SHISA9: variants seen among roughly 807,000 people sequenced by gnomAD.
SHISA9 encodes the protein protein shisa-9.
SHISA9 carries 13 observed loss-of-function variants against 38.0 expected under a neutral mutation model. The ratio of observed to expected loss-of-function variants is 0.34; its 90% confidence interval spans 0.22 to 0.54. The LOEUF is 0.54. Among genes scored for constraint, SHISA9 ranks in the 20% least tolerant of loss-of-function variants. The pLI is 0.91. For synonymous variants in SHISA9, 275 were observed against 242.0 expected, an observed-to-expected ratio of 1.14 and a Z score of -1.27; for missense variants, 538 against 575.8, an observed-to-expected ratio of 0.93 and a Z score of 0.67.
At chr16:13,413,072 T>A in the SHISA9 span, among the ~76,000 whole-genome samples, 2 of 152,194 alleles carry the variant, frequency 1.3e-5, no homozygotes, top group African/African-American at 4.8e-5. Flanking sequence ...TTAACTCACC[T>A]AGATCAGATG....
chr16:13,314,374 C>T, the SHISA9 span, among the ~76,000 whole-genome samples: 1 of 151,904 alleles, frequency 6.6e-6, no homozygotes, highest in African/African-American at 2.4e-5. Flanking sequence ...CCACCATGCC[C>T]AGCTAATTTA....
intron 2 of SHISA9, among the ~76,000 whole-genome samples, chr16:13,189,270 A>G (rs1449237274): frequency 6.6e-6 from 1 of 152,206 alleles, no homozygotes; most frequent in Non-Finnish European, 1.5e-5. Flanking sequence ...GTTGGTGGGC[A>G]TGGTAGAAGG....
Position 13,088,809 on chromosome 16 carries a change from T to G in SHISA9, c.692-114585T>G, listed in dbSNP as rs565506466. Among the ~76,000 whole-genome samples, 5 of 152,362 alleles carry G rather than the reference T, an allele frequency of 3.3e-5. No individual in the cohort carries two copies. The South Asian group carries it at 1.0e-3, about 32-fold the overall frequency. ...TAATTGAATATCCTTTATTTCTTTC[T>G]CTTGCCTGATTGCCCTGGCCAGAAC... On this transcript the variant is annotated intron_variant, in intron 2 of 4. Transcript: ENST00000558583.
chr16:13,435,116 C>T, the SHISA9 span, among the ~76,000 whole-genome samples: 1 of 152,302 alleles, frequency 6.6e-6, no homozygotes, highest in African/African-American at 2.4e-5. Context: ...TTAAGGAAAA[C>T]ACCAGCTTCC....
the SHISA9 span, among the ~76,000 whole-genome samples, chr16:13,402,161 TG>T: frequency 1.3e-4 from 20 of 151,818 alleles, no homozygotes; most frequent in East Asian, 3.9e-3. Context: ...GAATTTATGA[TG>T]GGAATTGGCT....
At chr16:13,511,770 A>G in the SHISA9 span, among the ~76,000 whole-genome samples, 3 of 152,038 alleles carry the variant, frequency 2.0e-5, no homozygotes, top group Non-Finnish European at 4.4e-5. Context: ...GAAGAGTACA[A>G]AAAAGGAGAA....
At chr16:13,255,837 C>G in the SHISA9 span, among the ~76,000 whole-genome samples, 1 of 152,202 alleles carries the variant, frequency 6.6e-6, no homozygotes, top group Non-Finnish European at 1.5e-5. Context: ...TGATCACTAT[C>G]TTTCCTCAAG....
At chr16:13,554,298 A>T in the SHISA9 span, among the ~76,000 whole-genome samples, 1 of 46,366 alleles carries the variant, frequency 2.2e-5, no homozygotes, top group East Asian at 4.0e-3. Context: ...GCTAGAGATT[A>T]AAAAAAAAAA....
At chr16:13,498,418 A>G in the SHISA9 span, among the ~76,000 whole-genome samples, 1 of 152,192 alleles carries the variant, frequency 6.6e-6, no homozygotes, top group East Asian at 1.9e-4. Context: ...TCTTAAAAAT[A>G]TTCAGTTTCC....
chr16:12,930,199 T>TA (rs945209978), intron 2 of SHISA9, among the ~76,000 whole-genome samples: 1 of 152,212 alleles, frequency 6.6e-6, no homozygotes, highest in Admixed American at 6.5e-5. Flanking sequence ...AAGTGCTCTA[T>TA]AAAAATTTTT....
intron 2 of SHISA9, among the ~76,000 whole-genome samples, chr16:13,031,426 G>T (rs555600621): frequency 2.6e-5 from 4 of 152,188 alleles, no homozygotes; most frequent in Non-Finnish European, 5.9e-5. Context: ...GGATGCCTGA[G>T]GTAGAGTGGC....
In SHISA9 at chr16:13,094,600, C is replaced by G. The variant is rs147152283; in HGVS notation, c.692-108794C>G. Among the ~76,000 whole-genome samples, 1,271 of 152,212 alleles carry G rather than the reference C, an allele frequency of 8.4e-3. 13 individuals are homozygous for G. Among genetic ancestry groups the G allele is most frequent in the Non-Finnish European group, 1.0e-2 (677 of 68,016 alleles). ...ATTCCATTTTGTCTCAGTGTCAATA[C>G]CACACATACTGTTTCTTCTATTAAA... is the stretch of plus-strand genomic sequence containing the variant. On this transcript the variant is annotated intron_variant, in intron 2 of 4. Coordinates refer to ENST00000558583, the MANE Select transcript of SHISA9 (RefSeq NM_001145204.3).
chr16:13,343,560 A>T, the SHISA9 span, among the ~76,000 whole-genome samples: 1 of 152,114 alleles, frequency 6.6e-6, no homozygotes, highest in African/African-American at 2.4e-5. Context: ...TGGCCTCTAG[A>T]TGGAGAAGGA....
intron 2 of SHISA9, among the ~76,000 whole-genome samples, chr16:13,049,156 ATG>A (rs10526925): frequency 0.039 from 2,474 of 63,748 alleles, 15 homozygotes; most frequent in Middle Eastern, 0.069. Flanking sequence ...GGTTAGGAGT[ATG>A]TGTGTGTGTG....
chr16:13,245,288 A>G (rs2051463717), downstream of SHISA9, among the ~76,000 whole-genome samples: 1 of 152,192 alleles, frequency 6.6e-6, no homozygotes, highest in South Asian at 2.1e-4. Context: ...AAGACATGAT[A>G]TATTTTCTCC....
At chr16:13,423,012 T>G in the SHISA9 span, among the ~76,000 whole-genome samples, 1 of 152,226 alleles carries the variant, frequency 6.6e-6, no homozygotes, top group East Asian at 1.9e-4. Context: ...ATTTTACCAC[T>G]AATCAGGTGC....
the SHISA9 span, among the ~76,000 whole-genome samples, chr16:13,468,470 C>G: frequency 6.6e-6 from 1 of 152,158 alleles, no homozygotes; most frequent in South Asian, 2.1e-4. Context: ...ATCCATTTAC[C>G]CAAGCATCCA....
intron 2 of SHISA9, among the ~76,000 whole-genome samples, chr16:13,181,954 T>G (rs1352355600): frequency 5.3e-5 from 8 of 152,174 alleles, no homozygotes. Context: ...TTTTGTTCCA[T>G]GCGAGCAATA....
At chr16:13,367,689 CGTGT>C in the SHISA9 span, among the ~76,000 whole-genome samples, 2 of 126,098 alleles carry the variant, frequency 1.6e-5, no homozygotes, top group African/African-American at 6.0e-5. Flanking sequence ...AGTGTACACG[CGTGT>C]GCGTGCGCGC....
Sources: gnomAD v4.1 joint callset for allele counts (sites outside exome capture counted in the v4.1 genomes callset) on GRCh38, gnomAD v4.1.1 for gene constraint, MANE v1.5 for transcripts, NCBI Gene and HGNC (gene_info 2026-07-23, HGNC 2026-07-21) for gene names.